Variants in NDUFAF6 observed in about 807,000 individuals in gnomAD.
The protein encoded by NDUFAF6 is NADH dehydrogenase (ubiquinone) complex I, assembly factor 6.
Under a neutral mutation model 40.8 loss-of-function variants are expected in NDUFAF6, and 45 were observed. The observed-to-expected ratio is 1.10, with a 90% confidence interval of 0.87 to 1.42. NDUFAF6 has a LOEUF of 1.42. Ranked by LOEUF, NDUFAF6 falls within the 40% of genes most tolerant of loss-of-function variation. The pLI, the probability that NDUFAF6 is intolerant of heterozygous loss-of-function variation, is 0.00. For missense variants in NDUFAF6, 435 were observed against 418.5 expected (o/e 1.04, Z -0.34); for synonymous variants, 185 against 155.9 (o/e 1.19, Z -1.39).
downstream of NDUFAF6, among the ~76,000 whole-genome samples, chr8:95,062,712 C>T (rs988619302): frequency 6.6e-6 from 1 of 152,196 alleles, no homozygotes; most frequent in Non-Finnish European, 1.5e-5. Flanking sequence ...TCCCAAAATG[C>T]CTGTTGTCTT....
upstream of NDUFAF6, among the ~76,000 whole-genome samples, chr8:95,095,569 G>T (rs184516488): frequency 6.6e-6 from 1 of 152,140 alleles, no homozygotes; most frequent in African/African-American, 2.4e-5. Flanking sequence ...GGGGCTGATT[G>T]CTCCTCAGTC....
At chr8:94,966,705 C>T (rs1824039370) in intron 1 of NDUFAF6, among the ~76,000 whole-genome samples, 1 of 152,220 alleles carries the variant, frequency 6.6e-6, no homozygotes, top group Non-Finnish European at 1.5e-5. Context: ...CTTCATTAGA[C>T]ACTCAGGCTC....
chr8:95,043,334 C>T (rs1830355440), intron 4 of NDUFAF6, among the ~76,000 whole-genome samples: 1 of 151,940 alleles, frequency 6.6e-6, no homozygotes, highest in African/African-American at 2.4e-5. Flanking sequence ...CGTGATCCAC[C>T]CGCCTCAGCC....
chr8:95,040,446 GCTC>G (rs2131844836), intron 3 of NDUFAF6, among the ~76,000 whole-genome samples: 1 of 152,236 alleles, frequency 6.6e-6, no homozygotes, highest in Non-Finnish European at 1.5e-5. Flanking sequence ...CAAATATCCT[GCTC>G]CTCATCAAAA....
At chr8:95,056,166 A>C (rs1169038092) in intron 8 of NDUFAF6, among the ~76,000 whole-genome samples, 1 of 151,970 alleles carries the variant, frequency 6.6e-6, no homozygotes, top group Admixed American at 6.6e-5. Flanking sequence ...ACTTCACTGT[A>C]GTATAATATT....
intron 1 of NDUFAF6, among the ~76,000 whole-genome samples, chr8:94,901,060 T>C (rs1180881561): frequency 1.3e-5 from 2 of 152,092 alleles, no homozygotes; most frequent in African/African-American, 2.4e-5. Context: ...GTTAGCTGTT[T>C]AGGGAAGGCC....
intron 3 of NDUFAF6, 91 bp downstream of exon 3, chr8:95,035,667 T>C (rs1039885111): frequency 1.6e-6 from 2 of 1,232,894 alleles, no homozygotes; most frequent in Admixed American, 2.1e-5. Context: ...GTGATTATAG[T>C]GGAATCTATT....
At chr8:94,944,187 T>C (rs1821795841) in intron 1 of NDUFAF6, among the ~76,000 whole-genome samples, 1 of 152,210 alleles carries the variant, frequency 6.6e-6, no homozygotes, top group Admixed American at 6.5e-5. Flanking sequence ...ACTCTAGCCC[T>C]GAATCAGCTA....
intron 9 of NDUFAF6, among the ~76,000 whole-genome samples, chr8:95,073,949 C>A (rs1223351194): frequency 2.6e-5 from 4 of 152,048 alleles, no homozygotes; most frequent in Non-Finnish European, 5.9e-5. Flanking sequence ...ATATAAGAAA[C>A]CATAGTTAAT....
Position 95,005,554 on chromosome 8 carries a change from A to ATATATATATATATATATATATAT in NDUFAF6, c.-84+24581_-84+24582insTATATATATATATATATATATAT, listed in dbSNP as rs1554657858. Among the ~76,000 whole-genome samples the ATATATATATATATATATATATAT allele has an allele frequency of 2.0e-3, 232 of 115,310 alleles. 6 individuals carry two copies. Among genetic ancestry groups the ATATATATATATATATATATATAT allele is most frequent in the African/African-American group, 7.4e-3 (198 of 26,754 alleles). 75.6% of individuals were successfully genotyped at this position (115,310 alleles called of 152,430 possible). On this transcript the variant is annotated intron_variant, in intron 2 of 9. Transcript: ENST00000396111. Reference sequence around the variant, plus strand: ...ATATATATATATATATATATATATAAAAAATATATTAACATAAATAATATA... The same window carrying ATATATATATATATATATATATAT: ...ATATATATATATATATATATATATAATATATATATATATATATATATATAAAATATATTAACATAAATAATATA...
At chr8:95,078,080 AGAGGCTAAACAGT>A (rs1365901319), downstream of NDUFAF6, among the ~76,000 whole-genome samples, 11 of 152,170 alleles carry the variant, frequency 7.2e-5, no homozygotes, top group African/African-American at 2.7e-4. Context: ...GAGGCAGAGA[AGAGGCTAAACAGT>A]GAGCCTGGGA....
chr8:94,921,964 A>AG (rs1482569949), intron 1 of NDUFAF6, among the ~76,000 whole-genome samples: 1 of 152,198 alleles, frequency 6.6e-6, no homozygotes, highest in African/African-American at 2.4e-5. Context: ...TTACTGAGTT[A>AG]GAAACTTCAG....
In NDUFAF6 at chr8:94,916,812, A is replaced by G. The variant is rs1209551412; in HGVS notation, c.-936+20885A>G. Among the ~76,000 whole-genome samples, 30 of 100,092 alleles carry G rather than the reference A, an allele frequency of 3.0e-4. 2 individuals are homozygous for G. The South Asian group carries it at 0.01, about 34-fold the overall frequency. The allele number at this position is 100,092 out of a possible 152,430, so 65.7% of individuals were successfully genotyped here. A position where few individuals can be genotyped will look rare whatever the true frequency, so the allele number is the denominator to read the frequency against. On this transcript the variant is annotated intron_variant, in intron 1 of 14. Transcript: ENST00000396113. ...TGGGTGACAGACAGAGTGAGACTCC[A>G]TATCAAAAAAAAAAAAAAAAGGCCG...
chr8:95,075,766 G>A, exon 10 of NDUFAF6: 1 of 1,212,500 alleles, frequency 8.2e-7, no homozygotes, highest in Non-Finnish European at 1.1e-6. Context: ...CTTGAGCTTG[G>A]AAACCTTCTT....
intron 1 of NDUFAF6, among the ~76,000 whole-genome samples, chr8:94,973,856 A>T (rs1315513152): frequency 1.1e-5 from 1 of 88,924 alleles, no homozygotes; most frequent in Non-Finnish European, 2.5e-5. Context: ...CCCTGTCTCT[A>T]AAAAAAAAAA....
intron 2 of NDUFAF6, among the ~76,000 whole-genome samples, chr8:95,001,468 A>G (rs576101918): frequency 4.0e-4 from 61 of 152,184 alleles, no homozygotes; most frequent in African/African-American, 1.3e-3. Context: ...TGACATTGCC[A>G]TATTTCAATG....
upstream of NDUFAF6, among the ~76,000 whole-genome samples, chr8:95,021,921 C>A (rs1336523079): frequency 1.3e-5 from 2 of 152,142 alleles, no homozygotes; most frequent in Non-Finnish European, 2.9e-5. Context: ...CCTTGTGAGA[C>A]TGAACTCTGA....
chr8:94,954,391 C>G (rs1479121229), upstream of NDUFAF6, among the ~76,000 whole-genome samples: 1 of 152,306 alleles, frequency 6.6e-6, no homozygotes, highest in Middle Eastern at 3.4e-3. Flanking sequence ...AGCACTTACT[C>G]TATGCCAGGC....
intron 1 of NDUFAF6, among the ~76,000 whole-genome samples, chr8:94,899,066 AT>A (rs1387374049): frequency 6.6e-6 from 1 of 152,192 alleles, no homozygotes; most frequent in Non-Finnish European, 1.5e-5. Flanking sequence ...AGGAAAAAAA[AT>A]CTTTGTATTT....
Sources: allele counts gnomAD v4.1 joint callset (sites outside exome capture counted in the v4.1 genomes callset), GRCh38; gene constraint gnomAD v4.1.1; transcripts MANE v1.5; gene names NCBI Gene and HGNC (gene_info 2026-07-23, HGNC 2026-07-21).